MGLL: variants seen among roughly 807,000 people sequenced by gnomAD.
The protein encoded by MGLL is monoglyceride lipase, also known as lysophospholipase homolog.
A neutral mutation model predicts 29.1 loss-of-function variants in MGLL; 7 were observed. That is an observed-to-expected ratio of 0.24 (90% CI 0.14 to 0.45). The LOEUF (loss-of-function observed/expected upper bound fraction) is 0.45. MGLL is among the 20% of genes least tolerant of loss of function. The probability of loss-of-function intolerance (pLI) is 0.99; values close to 1 mark genes in which losing one functional copy is unlikely to be tolerated. For synonymous variants in MGLL, 148 were observed against 168.3 expected (o/e 0.88, Z 0.93); for missense variants, 356 against 413.6 (o/e 0.86, Z 1.21).
At chr3:127,768,182 C>A (rs1048822360) in intron 3 of MGLL, among the ~76,000 whole-genome samples, 1 of 152,216 alleles carries the variant, frequency 6.6e-6, no homozygotes, top group Non-Finnish European at 1.5e-5. Context: ...CCGTAAAGAA[C>A]ACTCCAGGCC....
Position 127,764,600 on chromosome 3 carries a change from G to A in MGLL, c.262+17189C>T, listed in dbSNP as rs144390800. 3.3e-5 allele frequency among the ~76,000 whole-genome samples: 5 copies of A among 152,262 alleles called. No individual in the cohort carries two copies. In the East Asian group the frequency reaches 5.8e-4, roughly 18 times the overall value. The stretch of plus-strand genomic sequence containing the variant: ...AGGCTGTAATGAGGTTCAAGGCAAC[G>A]TCTGAAAAGCTTTGCATCGATAATC... On this transcript the variant is annotated intron_variant, in intron 3 of 7. Transcript: ENST00000265052.
At chr3:127,811,350 T>C (rs1040112967) in intron 2 of MGLL, among the ~76,000 whole-genome samples, 5 of 152,224 alleles carry the variant, frequency 3.3e-5, no homozygotes, top group Admixed American at 1.3e-4. Flanking sequence ...TAGGTTGTTC[T>C]ACTCTTGCAA....
intron 3 of MGLL, among the ~76,000 whole-genome samples, chr3:127,763,732 C>T (rs552297162): frequency 1.3e-5 from 2 of 152,320 alleles, no homozygotes; most frequent in Admixed American, 1.3e-4. Flanking sequence ...CCTTCCCCTC[C>T]CGCCCCTTCT....
In MGLL at chr3:127,761,347, G is replaced by A. The variant is rs944068570; in HGVS notation, c.262+20442C>T. 6.6e-6 allele frequency among the ~76,000 whole-genome samples: 1 copy of A among 152,222 alleles called. No individual in the cohort carries two copies. The highest frequency in any genetic ancestry group is 2.4e-5 in the African/African-American group (1 of 41,450). ...TGTCTTGTTAGAGCCACCGTGTTGT[G>A]TTGGGGGTGCTGGCTTAGTTTAGGG... On this transcript the variant is annotated intron_variant, in intron 3 of 7. Transcript: ENST00000265052. This position sits in a 1 kb window ranked among gnomAD's most constrained non-coding sequence, Gnocchi z 4.6.
At chr3:127,786,718 C>T (rs1023892202) in intron 2 of MGLL, among the ~76,000 whole-genome samples, 1 of 152,158 alleles carries the variant, frequency 6.6e-6, no homozygotes, top group African/African-American at 2.4e-5. Context: ...GGCCTCAGTT[C>T]GCTCACCCGT....
chr3:127,695,301 T>C (rs149564548), intron 6 of MGLL, 111 bp from the exon 7 acceptor site: 6 of 1,129,888 alleles, frequency 5.3e-6, no homozygotes, highest in Non-Finnish European at 7.7e-6. Context: ...GTTGATTCCA[T>C]TCAGGTCAGC....
At chr3:127,738,477 A>G (rs2076282362) in intron 3 of MGLL, among the ~76,000 whole-genome samples, 1 of 152,234 alleles carries the variant, frequency 6.6e-6, no homozygotes, top group East Asian at 1.9e-4. Flanking sequence ...GAGGCTGGTC[A>G]GGCTTCTGGT....
At chr3:127,705,909 C>G (rs112655066) in intron 6 of MGLL, among the ~76,000 whole-genome samples, 6 of 152,262 alleles carry the variant, frequency 3.9e-5, no homozygotes, top group African/African-American at 1.4e-4. Flanking sequence ...CCACTCCATA[C>G]CCATTAGGAT....
chr3:127,809,566 C>A (rs2077625367), intron 2 of MGLL, among the ~76,000 whole-genome samples: 1 of 151,696 alleles, frequency 6.6e-6, no homozygotes, highest in South Asian at 2.1e-4. Context: ...TTGGAGACTG[C>A]AGTGAGCTAT....
At chr3:127,695,517 GAGTTCAAGACC>G (rs1273925624) in intron 6 of MGLL, among the ~76,000 whole-genome samples, 1 of 152,236 alleles carries the variant, frequency 6.6e-6, no homozygotes, top group East Asian at 1.9e-4. Flanking sequence ...CTGAGGTCAG[GAGTTCAAGACC>G]AGCCTGACCA....
At chr3:127,748,499 C>CTGAA (rs1312726521) in intron 3 of MGLL, among the ~76,000 whole-genome samples, 3 of 151,770 alleles carry the variant, frequency 2.0e-5, no homozygotes, top group African/African-American at 7.3e-5. Flanking sequence ...GATTCACAGG[C>CTGAA]TGAAGCCCTA....
chr3:127,790,810 C>T (rs765858693), intron 2 of MGLL, among the ~76,000 whole-genome samples: 2 of 152,176 alleles, frequency 1.3e-5, no homozygotes, highest in Non-Finnish European at 2.9e-5. Context: ...AGTTCTCCTA[C>T]TGAAGTCCAG....
At chr3:127,702,976 T>C (rs2075525941) in intron 6 of MGLL, among the ~76,000 whole-genome samples, 2 of 152,192 alleles carry the variant, frequency 1.3e-5, no homozygotes, top group South Asian at 4.1e-4. Context: ...ATTACAGGCA[T>C]GAGCCACCGC....
chr3:127,757,845 T>C (rs906238546), intron 3 of MGLL, among the ~76,000 whole-genome samples: 3 of 152,220 alleles, frequency 2.0e-5, no homozygotes, highest in Non-Finnish European at 2.9e-5. Flanking sequence ...AACAGATTGC[T>C]GATACAGGAG....
At chr3:127,718,159 G>C (rs553740949) in intron 5 of MGLL, among the ~76,000 whole-genome samples, 2 of 152,108 alleles carry the variant, frequency 1.3e-5, no homozygotes, top group South Asian at 2.1e-4. Context: ...CATTGCAGGG[G>C]GTGGGGGCTG....
At chr3:127,810,526 C>G (rs773693169) in intron 2 of MGLL, among the ~76,000 whole-genome samples, 3 of 150,422 alleles carry the variant, frequency 2.0e-5, no homozygotes, top group Non-Finnish European at 4.5e-5. Flanking sequence ...AGTCACCAAA[C>G]GTCCCTCTGA....
At chr3:127,726,292 A>G (rs201588301) in intron 3 of MGLL, among the ~76,000 whole-genome samples, 15 of 114,152 alleles carry the variant, frequency 1.3e-4, no homozygotes, top group South Asian at 3.3e-4. Flanking sequence ...GGAAGGAAGG[A>G]AGGGAGGGAG....
chr3:127,803,848 C>T (rs1033257235), intron 2 of MGLL, among the ~76,000 whole-genome samples: 1 of 152,192 alleles, frequency 6.6e-6, no homozygotes, highest in Non-Finnish European at 1.5e-5. Context: ...GAGAGACTCA[C>T]TCAGGTGCTG....
chr3:127,698,604 G>T (rs796821884), intron 6 of MGLL, among the ~76,000 whole-genome samples: 7 of 152,272 alleles, frequency 4.6e-5, no homozygotes, highest in African/African-American at 1.7e-4. Flanking sequence ...CGAGTGGGGA[G>T]GGGATGCAGC....
Sources: gnomAD v4.1 joint callset for allele counts (sites outside exome capture counted in the v4.1 genomes callset) on GRCh38, gnomAD v4.1.1 for gene constraint, Gnocchi (gnomAD v3.1) non-coding constraint, MANE v1.5 for transcripts, NCBI Gene and HGNC (gene_info 2026-07-23, HGNC 2026-07-21) for gene names.